HUWE1: variants seen among roughly 807,000 people sequenced by gnomAD.
HUWE1 encodes HECT, UBA and WWE domain containing E3 ubiquitin protein ligase 1, also known as E3 ubiquitin-protein ligase HUWE1.
Under a neutral mutation model 299.4 loss-of-function variants are expected in HUWE1, and 18 were observed. The ratio of observed to expected loss-of-function variants is 0.06; its 90% CI spans 0.04 to 0.09. The LOEUF (loss-of-function observed/expected upper bound fraction) is 0.09, where lower values mean the gene tolerates loss of function less well. HUWE1 is among the 10% of genes least tolerant of loss of function. The pLI, the probability that HUWE1 is intolerant of heterozygous loss-of-function variation, is 1.00. For synonymous variants in HUWE1, 1,317 were observed against 1,286.1 expected, an observed-to-expected ratio of 1.02 and a Z score of -0.51; for missense variants, 1,832 against 3,462.3, an observed-to-expected ratio of 0.53 and a Z score of 11.82.
chrX:53,648,540 CAAAAA>C (rs200558034), intron 4 of HUWE1, among the ~76,000 whole-genome samples: 2 of 85,734 alleles, frequency 2.3e-5, no homozygotes, highest in African/African-American at 6.9e-5. Context: ...CAAAAAAAAA[CAAAAA>C]AAAACAAAAA....
At position 53,635,263 on chromosome X, in the gene HUWE1, A is replaced by C. The variant is rs1324915607; in HGVS notation, c.505-965T>G. Among the ~76,000 whole-genome samples the C allele has an allele frequency of 3.7e-5, 4 of 109,468 alleles. No homozygotes were observed. The East Asian group carries it at 8.4e-4, about 23-fold the overall frequency. ...AAATTATAAATATGTAAATTATATA[A>C]ATTTTATATAAAATTTATAAAAATA... On this transcript the variant is annotated intron_variant, in intron 7 of 83. Coordinates refer to ENST00000262854, the MANE Select transcript of HUWE1 (RefSeq NM_031407.7).
chrX:53,556,518 G>A (rs2062026914), intron 60 of HUWE1, among the ~76,000 whole-genome samples: 1 of 111,915 alleles, frequency 8.9e-6, no homozygotes, highest in Admixed American at 9.5e-5. Context: ...GTGTAGGGAG[G>A]CAGAAGAATG....
At chrX:53,533,824 C>T (rs1379182415) in intron 83 of HUWE1, 183 bp downstream of exon 83, 4 of 493,885 alleles carry the variant, frequency 8.1e-6, no homozygotes, top group East Asian at 7.3e-5. Context: ...GTCTCCCCAG[C>T]CCCCACTGTG....
At chrX:53,557,290 T>A (rs782226542) in intron 60 of HUWE1, 92 bp downstream of exon 60, 1 of 753,539 alleles carries the variant, frequency 1.3e-6, no homozygotes, top group African/African-American at 2.1e-5. Flanking sequence ...CCAGTGTCCA[T>A]CTTCAGCCTA....
intron 60 of HUWE1, chrX:53,557,125 C>A: frequency 2.1e-6 from 1 of 478,604 alleles, no homozygotes; most frequent in South Asian, 2.8e-5. Context: ...TTACCCATGC[C>A]AGAACAAAGT....
intron 12 of HUWE1, among the ~76,000 whole-genome samples, chrX:53,630,499 C>G (rs930864138): frequency 9.0e-6 from 1 of 110,703 alleles, no homozygotes; most frequent in African/African-American, 3.3e-5. Flanking sequence ...TACAAAACCA[C>G]GTGTTTTCCA....
chrX:53,638,293 T>A lies in HUWE1; in HGVS notation c.505-3995A>T, dbSNP rs1277240189. Among the ~76,000 whole-genome samples, 3 of 110,814 alleles carry A rather than the reference T, an allele frequency of 2.7e-5. No homozygotes were observed. The East Asian group carries it at 8.5e-4, about 31-fold the overall frequency. On this transcript the variant is annotated intron_variant, in intron 7 of 83. Coordinates refer to ENST00000262854, the MANE Select transcript of HUWE1 (RefSeq NM_031407.7). Reference sequence around the variant, plus strand: ...AGGTGGAGCTGGCAGTGAGCCAAGATCGCGCCACTGCACTCCAGCCTGGGG... The same window carrying A: ...AGGTGGAGCTGGCAGTGAGCCAAGAACGCGCCACTGCACTCCAGCCTGGGG...
chrX:53,646,321 C>CTAATTTTTG (rs2068044456), intron 6 of HUWE1, among the ~76,000 whole-genome samples: 1 of 110,389 alleles, frequency 9.1e-6, no homozygotes, highest in Admixed American at 9.7e-5. Flanking sequence ...CCACGCCCCG[C>CTAATTTTTG]TAATTTTTGT....
chrX:53,678,286 T>C (rs181125930), intron 3 of HUWE1, among the ~76,000 whole-genome samples: 5 of 112,367 alleles, frequency 4.4e-5, no homozygotes, highest in Admixed American at 1.9e-4. Context: ...AAAGGATTTC[T>C]ATATCCAGAA....
At chrX:53,682,347 A>C (rs1487351411) in intron 2 of HUWE1, among the ~76,000 whole-genome samples, 1 of 112,024 alleles carries the variant, frequency 8.9e-6, no homozygotes, top group African/African-American at 3.3e-5. Flanking sequence ...CAAAACACAC[A>C]CTATTAATTT....
At position 53,655,430 on chromosome X, in the gene HUWE1, T is replaced by C. The variant is rs181465813; in HGVS notation, c.-24-1299A>G. Among the ~76,000 whole-genome samples the C allele has an allele frequency of 2.6e-3, 293 of 112,205 alleles. 1 individual carries two copies. Among genetic ancestry groups the C allele is most frequent in the Middle Eastern group, 0.014 (3 of 218 alleles). On this transcript the variant is annotated intron_variant, in intron 3 of 83. Coordinates refer to ENST00000262854, the MANE Select transcript of HUWE1 (RefSeq NM_031407.7). ...AAAATTCAGAATACGTTCTAAAACA[T>C]TTCTGCAGAGACCATTCCTTAAGAA...
Position 53,546,575 on chromosome X carries a change from A to C in HUWE1, c.10776T>G (p.Ser3592=), listed in dbSNP as rs1196870290. ...CATCCTCTAAGCCTTCCTCAGAACA[A>C]GAGTGGGATGTCAACACCTGAGAAA... The part of the protein sequence containing the change: ...QLSVEVLTSH[S]CSEEGLEDAA... Residue 3592 remains serine, a synonymous_variant, in exon 70 of 84, where the codon TCT becomes TCG. Coordinates refer to ENST00000262854, the MANE Select transcript of HUWE1 (RefSeq NM_031407.7). The C allele has an allele frequency of 8.3e-7, 1 of 1,208,377 alleles. No homozygotes were observed. The highest frequency in any genetic ancestry group is 1.8e-5 in the African/African-American group (1 of 56,999).
intron 61 of HUWE1, among the ~76,000 whole-genome samples, chrX:53,554,056 G>A (rs2061887734): frequency 9.0e-6 from 1 of 111,041 alleles, no homozygotes; most frequent in African/African-American, 3.3e-5. Flanking sequence ...AGCTCTAAGT[G>A]TGGGATGACA....
chrX:53,538,162 G>T (rs1342043011), intron 77 of HUWE1, among the ~76,000 whole-genome samples, 175 bp downstream of exon 77: 1 of 111,205 alleles, frequency 9.0e-6, no homozygotes, highest in Non-Finnish European at 1.9e-5. Flanking sequence ...GAGAAGCCCA[G>T]GAGTATTTAG....
At chrX:53,623,001 G>C (rs1416717615) in intron 19 of HUWE1, among the ~76,000 whole-genome samples, 2 of 111,631 alleles carry the variant, frequency 1.8e-5, no homozygotes, top group African/African-American at 3.3e-5. Context: ...AGGTTGCTAT[G>C]CTAATTTAAA....
intron 39 of HUWE1, among the ~76,000 whole-genome samples, chrX:53,586,242 G>A: frequency 8.9e-6 from 1 of 111,900 alleles, no homozygotes; most frequent in Non-Finnish European, 1.9e-5. Flanking sequence ...TTTTTGGTAG[G>A]ATTGCTGTAT....
At chrX:53,557,476 A>T (rs1240073551) in intron 59 of HUWE1, 49 bp from the exon 60 acceptor site, 15 of 1,011,212 alleles carry the variant, frequency 1.5e-5, no homozygotes, top group Non-Finnish European at 2.0e-5. Context: ...AGCACCTAAG[A>T]TAGAGGTCAA....
chrX:53,629,927 T>C (rs1176024762), intron 12 of HUWE1, among the ~76,000 whole-genome samples: 6 of 112,651 alleles, frequency 5.3e-5, no homozygotes, highest in African/African-American at 1.9e-4. Context: ...AACTCCACTA[T>C]GCCTTCAATA....
intron 75 of HUWE1, 96 bp from the exon 76 acceptor site, chrX:53,539,176 GGAA>G: frequency 1.0e-6 from 1 of 965,493 alleles, no homozygotes; most frequent in Non-Finnish European, 1.4e-6. Context: ...AAATAAATAA[GGAA>G]GAAGAAATAG....
Sources: allele counts gnomAD v4.1 joint callset (sites outside exome capture counted in the v4.1 genomes callset), GRCh38; gene constraint gnomAD v4.1.1; transcripts MANE v1.5; gene names NCBI Gene and HGNC (gene_info 2026-07-23, HGNC 2026-07-21).